Variants in MCTP2 observed in about 807,000 individuals in gnomAD.
The protein encoded by MCTP2 is multiple C2 and transmembrane domain-containing protein 2.
A neutral mutation model predicts 111.6 loss-of-function variants in MCTP2; 132 were observed. The ratio of observed to expected loss-of-function variants is 1.18; its 90% CI spans 1.03 to 1.37. MCTP2 has a LOEUF of 1.37. MCTP2 is among the 40% of genes most tolerant of loss of function. MCTP2 has a pLI of 0.00. For synonymous variants in MCTP2, 395 were observed against 387.7 expected, an observed-to-expected ratio of 1.02 and a Z score of -0.22; for missense variants, 1,183 against 1,067.9, an observed-to-expected ratio of 1.11 and a Z score of -1.50.
At chr15:94,424,649 A>T (rs1171115610) in intron 17 of MCTP2, among the ~76,000 whole-genome samples, 1 of 152,188 alleles carries the variant, frequency 6.6e-6, no homozygotes, top group Non-Finnish European at 1.5e-5. Context: ...GTTAATGCCA[A>T]CCATTTCCCA....
rs186234939 is a variant in MCTP2 at position 94,407,474 on chromosome 15, G to T, written c.2085+5455G>T. 2.6e-5 allele frequency among the ~76,000 whole-genome samples: 4 copies of T among 152,264 alleles called. No individual in the cohort carries two copies. The East Asian group carries it at 7.7e-4, about 29-fold the overall frequency. On this transcript the variant is annotated intron_variant, in intron 17 of 22. Coordinates refer to ENST00000357742, the MANE Select transcript of MCTP2 (RefSeq NM_001385001.1). Reference sequence around the variant, plus strand: ...TCAACGAGTATCTTCATAAAGCTATGATTTTAACATCTGTGACTTTTTTCC... The same window carrying T: ...TCAACGAGTATCTTCATAAAGCTATTATTTTAACATCTGTGACTTTTTTCC...
chr15:94,297,811 G>A (rs1442617443), intron 1 of MCTP2, among the ~76,000 whole-genome samples: 1 of 152,154 alleles, frequency 6.6e-6, no homozygotes, highest in African/African-American at 2.4e-5. Context: ...GTTTAGAGAA[G>A]TAGAAAGTCC....
intron 1 of MCTP2, among the ~76,000 whole-genome samples, chr15:94,249,580 G>T (rs2072262141): frequency 6.6e-6 from 1 of 151,902 alleles, no homozygotes; most frequent in South Asian, 2.1e-4. Context: ...CCGCCTCCTG[G>T]GTTCACGCCA....
chr15:94,244,910 C>A (rs943411247), intron 1 of MCTP2, among the ~76,000 whole-genome samples: 2 of 110,382 alleles, frequency 1.8e-5, no homozygotes, highest in Non-Finnish European at 4.1e-5. Context: ...ACATATGCAC[C>A]TATGTTTATA....
At chr15:94,316,575 G>C (rs1228841601) in intron 4 of MCTP2, among the ~76,000 whole-genome samples, 4 of 152,176 alleles carry the variant, frequency 2.6e-5, no homozygotes, top group African/African-American at 9.7e-5. Context: ...GAAGATGGCA[G>C]GCATTAACTT....
intron 2 of MCTP2, among the ~76,000 whole-genome samples, chr15:94,310,955 C>G (rs117476562): frequency 0.014 from 2,051 of 149,334 alleles, 46 homozygotes; most frequent in Admixed American, 0.056. Context: ...AACAAACAAA[C>G]AAACATAAAC....
intron 1 of MCTP2, among the ~76,000 whole-genome samples, chr15:94,243,821 A>C (rs1373454983): frequency 1.3e-5 from 2 of 148,452 alleles, no homozygotes; most frequent in African/African-American, 4.9e-5. Flanking sequence ...ATATATGTAT[A>C]CACATATGTA....
chr15:94,458,070 A>G (rs1363799380), intron 19 of MCTP2, 67 bp from the exon 20 acceptor site: 1 of 858,614 alleles, frequency 1.2e-6, no homozygotes, highest in Non-Finnish European at 2.0e-6. Context: ...ACATGTTATA[A>G]TATTTTCTGT....
intron 12 of MCTP2, among the ~76,000 whole-genome samples, chr15:94,381,161 A>C (rs2080114589): frequency 6.6e-6 from 1 of 152,212 alleles, no homozygotes; most frequent in Non-Finnish European, 1.5e-5. Context: ...TGGACATTTC[A>C]TTTATTATGA....
At chr15:94,261,452 C>T (rs971190515) in intron 1 of MCTP2, among the ~76,000 whole-genome samples, 2 of 152,150 alleles carry the variant, frequency 1.3e-5, no homozygotes, top group Non-Finnish European at 2.9e-5. Context: ...AAAAACCAAC[C>T]GGTGGCCAGG....
chr15:94,405,822 C>T (rs2081869189), intron 17 of MCTP2, among the ~76,000 whole-genome samples: 1 of 152,088 alleles, frequency 6.6e-6, no homozygotes, highest in African/African-American at 2.4e-5. Context: ...CTATGTTTTT[C>T]AGATATTTTG....
intron 17 of MCTP2, among the ~76,000 whole-genome samples, chr15:94,408,262 G>T (rs2081996641): frequency 6.6e-6 from 1 of 152,144 alleles, no homozygotes; most frequent in South Asian, 2.1e-4. Flanking sequence ...AAGTATTTGT[G>T]TAAAGCTGGA....
chr15:94,396,399 G>T (rs2081282647), intron 14 of MCTP2, among the ~76,000 whole-genome samples: 1 of 151,926 alleles, frequency 6.6e-6, no homozygotes, highest in Non-Finnish European at 1.5e-5. Flanking sequence ...ATAATTTTCA[G>T]ACTTTTAAAT....
At chr15:94,309,838 C>A (rs1262568992) in intron 2 of MCTP2, among the ~76,000 whole-genome samples, 1 of 152,132 alleles carries the variant, frequency 6.6e-6, no homozygotes, top group East Asian at 1.9e-4. Context: ...TGCAAAGTTG[C>A]TTTTATTTAA....
chr15:94,288,888 C>G (rs2152322539), intron 1 of MCTP2, among the ~76,000 whole-genome samples: 1 of 152,250 alleles, frequency 6.6e-6, no homozygotes, highest in East Asian at 1.9e-4. Context: ...AAAAAACAAA[C>G]CTCACTATAT....
rs367649982 is a variant in MCTP2 at position 94,384,074 on chromosome 15, G to A, written c.1635G>A (p.Thr545=). 459 of 1,613,728 alleles carry A rather than the reference G, an allele frequency of 2.8e-4. No homozygotes were observed. Among genetic ancestry groups the A allele is most frequent in the Non-Finnish European group, 3.5e-4 (412 of 1,179,908 alleles). ...AGTTAGGCAATGACCGACTTCAGAC[G>A]CATACCGTCTACAAAAACCTCAACC... ...LLELGNDRLQ[T]HTVYKNLNPE... The change falls in exon 13 of 23, where the codon ACG becomes ACA. Residue 545 remains threonine, a synonymous_variant. Transcript: ENST00000357742.
chr15:94,232,864 GATT>G (rs1300358726), intron 1 of MCTP2, among the ~76,000 whole-genome samples: 2 of 152,158 alleles, frequency 1.3e-5, no homozygotes, highest in Non-Finnish European at 2.9e-5. Context: ...CTTAAAATAA[GATT>G]ATTAAGAATT....
intron 21 of MCTP2, among the ~76,000 whole-genome samples, chr15:94,476,187 TC>T (rs2074332917): frequency 6.6e-6 from 1 of 152,124 alleles, no homozygotes; most frequent in South Asian, 2.1e-4. Context: ...AGAAAACAAC[TC>T]CCGCCCTCTA....
At chr15:94,283,100 T>C (rs1477480451) in intron 1 of MCTP2, among the ~76,000 whole-genome samples, 1 of 152,154 alleles carries the variant, frequency 6.6e-6, no homozygotes, top group East Asian at 1.9e-4. Flanking sequence ...GGCAGAGGTC[T>C]TTCTGCAAAA....
Sources: allele counts gnomAD v4.1 joint callset (sites outside exome capture counted in the v4.1 genomes callset), GRCh38; gene constraint gnomAD v4.1.1; transcripts MANE v1.5; gene names NCBI Gene and HGNC (gene_info 2026-07-23, HGNC 2026-07-21).